Variants in HDLBP observed in about 807,000 individuals in gnomAD.
HDLBP encodes high density lipoprotein binding protein.
Under a neutral mutation model 137.3 loss-of-function variants are expected in HDLBP, and 30 were observed. The observed-to-expected ratio is 0.22, with a 90% CI of 0.16 to 0.30. The LOEUF (loss-of-function observed/expected upper bound fraction) is 0.30, where lower values mean the gene tolerates loss of function less well. Ranked by LOEUF, HDLBP falls within the 10% of genes least tolerant of loss-of-function variation. HDLBP has a pLI of 1.00. For missense variants in HDLBP, 1,119 were observed against 1,667.3 expected (o/e 0.67, Z 5.73); for synonymous variants, 606 against 596.0 (o/e 1.02, Z -0.24).
At chr2:241,313,806 G>A (rs2075844753) in intron 1 of HDLBP, among the ~76,000 whole-genome samples, 1 of 152,180 alleles carries the variant, frequency 6.6e-6, no homozygotes, top group African/African-American at 2.4e-5. Context: ...AGAGGACACT[G>A]TAACAGGGAT....
intron 4 of HDLBP, among the ~76,000 whole-genome samples, chr2:241,263,272 T>C (rs1310040808): frequency 3.3e-5 from 5 of 152,136 alleles, no homozygotes; most frequent in African/African-American, 4.8e-5. Flanking sequence ...CAGCTATCCA[T>C]GTTAAGAGGT....
intron 11 of HDLBP, among the ~76,000 whole-genome samples, chr2:241,252,182 T>C (rs1010529520): frequency 9.9e-5 from 15 of 152,108 alleles, no homozygotes; most frequent in African/African-American, 2.7e-4. Flanking sequence ...TATAGCGACC[T>C]TGGCTGACAT....
intron 1 of HDLBP, chr2:241,271,010 C>T (rs2073999161): frequency 4.1e-6 from 4 of 985,184 alleles, no homozygotes; most frequent in East Asian, 1.1e-4. Context: ...TCTCAGGGCC[C>T]GGGTCCACCC....
chr2:241,271,529 G>T (rs1237550491), intron 1 of HDLBP, among the ~76,000 whole-genome samples: 1 of 152,194 alleles, frequency 6.6e-6, no homozygotes, highest in Non-Finnish European at 1.5e-5. Context: ...GGCTTCACAT[G>T]AGGGGTTCTA....
At chr2:241,315,158 C>G (rs928843023) in intron 1 of HDLBP, 3 of 152,262 alleles carry the variant, frequency 2.0e-5, no homozygotes, top group Non-Finnish European at 4.4e-5. Flanking sequence ...CGCCCTCCCC[C>G]GCGGGGCGGC....
At chr2:241,294,319 A>G (rs889584197) in intron 1 of HDLBP, among the ~76,000 whole-genome samples, 1 of 152,222 alleles carries the variant, frequency 6.6e-6, no homozygotes, top group Admixed American at 6.5e-5. Flanking sequence ...CATTCTATCT[A>G]AAACACATGG....
chr2:241,314,649 T>C (rs1190182856), intron 1 of HDLBP, among the ~76,000 whole-genome samples: 3 of 152,348 alleles, frequency 2.0e-5, no homozygotes, highest in African/African-American at 4.8e-5. Context: ...CGATTTTACA[T>C]GGCGTCCAAA....
At chr2:241,256,925 C>T in intron 5 of HDLBP, 119 bp from the exon 6 acceptor site, 1 of 812,166 alleles carries the variant, frequency 1.2e-6, no homozygotes, top group Non-Finnish European at 2.0e-6. Flanking sequence ...GCAGCACCAA[C>T]TCATCCATTA....
At chr2:241,276,495 G>T (rs2074391278) in intron 1 of HDLBP, among the ~76,000 whole-genome samples, 1 of 152,060 alleles carries the variant, frequency 6.6e-6, no homozygotes, top group South Asian at 2.1e-4. Flanking sequence ...CTGATGAGAG[G>T]AATGAATTCA....
intron 16 of HDLBP, among the ~76,000 whole-genome samples, chr2:241,246,109 C>T (rs965088846): frequency 6.6e-6 from 1 of 152,172 alleles, no homozygotes; most frequent in African/African-American, 2.4e-5. Flanking sequence ...ACCAACAATA[C>T]AGGTGACAAC....
At chr2:241,292,235 C>T (rs1559548688) in intron 1 of HDLBP, among the ~76,000 whole-genome samples, 1 of 151,664 alleles carries the variant, frequency 6.6e-6, no homozygotes, top group Admixed American at 6.6e-5. Flanking sequence ...GCATCCTGAC[C>T]TAGCTACAGG....
chr2:241,294,805 AAGG>A (rs1559550653), intron 1 of HDLBP, among the ~76,000 whole-genome samples: 1 of 152,326 alleles, frequency 6.6e-6, no homozygotes, highest in East Asian at 1.9e-4. Flanking sequence ...TTATGGCTAA[AAGG>A]AGGACAAATA....
At chr2:241,250,253 G>A (rs1024166283) in intron 11 of HDLBP, 2 of 310,482 alleles carry the variant, frequency 6.4e-6, no homozygotes, top group Non-Finnish European at 1.2e-5. Flanking sequence ...CTGACGGTTG[G>A]GGCCACTCAG....
intron 1 of HDLBP, among the ~76,000 whole-genome samples, chr2:241,277,593 A>G (rs1478964860): frequency 6.6e-6 from 1 of 152,248 alleles, no homozygotes; most frequent in Non-Finnish European, 1.5e-5. Context: ...TTCTAGAAAA[A>G]TAAGTTACCC....
intron 7 of HDLBP, 95 bp downstream of exon 7, chr2:241,256,089 G>T: frequency 9.6e-7 from 1 of 1,043,604 alleles, no homozygotes; most frequent in Non-Finnish European, 1.5e-6. Context: ...AGGACAAAAA[G>T]ATAAGGGGCA....
rs2071074361 is a variant in HDLBP at position 241,240,275 on chromosome 2, C to CA, written c.2170-154dup. Reference sequence around the variant, plus strand: ...ACCAATACCCCCAAAATGGGGCTAGCACACCTCACTGAATAAACAGATGAA... The same window carrying CA: ...ACCAATACCCCCAAAATGGGGCTAGCAACACCTCACTGAATAAACAGATGAA... On this transcript the variant is annotated intron_variant, in intron 17 of 27. Coordinates refer to ENST00000310931, the MANE Select transcript of HDLBP (RefSeq NM_005336.6). This position sits in a 1 kb window ranked among gnomAD's most constrained non-coding sequence, Gnocchi z 5.5. The CA allele has an allele frequency of 2.8e-6, 2 of 703,222 alleles. No homozygotes were observed. Among genetic ancestry groups the CA allele is most frequent in the East Asian group, 5.3e-5 (2 of 37,678 alleles). The allele number at this position is 703,222 out of a possible 1,614,324, so 43.6% of individuals were successfully genotyped here.
intron 1 of HDLBP, among the ~76,000 whole-genome samples, chr2:241,305,271 G>C (rs2075532677): frequency 6.6e-6 from 1 of 152,192 alleles, no homozygotes; most frequent in Non-Finnish European, 1.5e-5. Context: ...CTACAGGCAT[G>C]TGTCACTACA....
At chr2:241,247,913 G>A in intron 14 of HDLBP, 90 bp downstream of exon 14, 1 of 855,802 alleles carries the variant, frequency 1.2e-6, no homozygotes, top group Non-Finnish European at 2.0e-6. Flanking sequence ...CCCAGAGCAG[G>A]GGTCCTGTGG....
At chr2:241,229,783 T>TTG in intron 27 of HDLBP, 50 bp downstream of exon 27, 16 of 1,524,616 alleles carry the variant, frequency 1.0e-5, no homozygotes, top group Non-Finnish European at 1.3e-5. Flanking sequence ...CAAGCCCGCC[T>TTG]GCCCGCCCAC....
Sources: allele counts gnomAD v4.1 joint callset (sites outside exome capture counted in the v4.1 genomes callset), GRCh38; gene constraint gnomAD v4.1.1; non-coding constraint Gnocchi (gnomAD v3.1); transcripts MANE v1.5; gene names NCBI Gene and HGNC (gene_info 2026-07-23, HGNC 2026-07-21).